SEPTIN14: variants seen among roughly 807,000 people sequenced by gnomAD.
The protein encoded by SEPTIN14 is septin 14, also known as septin-14.
A neutral mutation model predicts 53.6 loss-of-function variants in SEPTIN14; 40 were observed. The observed-to-expected ratio is 0.75, with a 90% CI of 0.58 to 0.97. SEPTIN14 has a LOEUF of 0.97. Among genes scored for constraint, SEPTIN14 ranks in the 50% least tolerant of loss-of-function variants. The pLI, the probability that SEPTIN14 is intolerant of heterozygous loss-of-function variation, is 0.00. For missense variants in SEPTIN14, 471 were observed against 508.2 expected (o/e 0.93, Z 0.70); for synonymous variants, 138 against 166.8 (o/e 0.83, Z 1.33).
At chr7:55,824,066 G>T (rs778559499) in intron 6 of SEPTIN14, among the ~76,000 whole-genome samples, 1 of 152,082 alleles carries the variant, frequency 6.6e-6, no homozygotes, top group Non-Finnish European at 1.5e-5. Flanking sequence ...GGAAATGCAG[G>T]TGACTTTGAA....
chr7:55,829,782 C>G (rs1789061336), intron 6 of SEPTIN14, among the ~76,000 whole-genome samples: 1 of 119,802 alleles, frequency 8.3e-6, no homozygotes, highest in South Asian at 2.9e-4. Context: ...GATAGCGCCA[C>G]TGTGCTCCAG....
intron 8 of SEPTIN14, among the ~76,000 whole-genome samples, chr7:55,806,597 G>A (rs1788614695): frequency 6.6e-6 from 1 of 151,654 alleles, no homozygotes; most frequent in Admixed American, 6.6e-5. Flanking sequence ...CCAAGTGGCT[G>A]GGATACAGGC....
chr7:55,841,850 C>A (rs944514109), intron 5 of SEPTIN14, among the ~76,000 whole-genome samples: 2 of 133,646 alleles, frequency 1.5e-5, no homozygotes, highest in African/African-American at 2.8e-5. Context: ...AATGAAACTC[C>A]GCCAAAAAAA....
At chr7:55,801,718 G>A (rs1260491930) in intron 9 of SEPTIN14, among the ~76,000 whole-genome samples, 3 of 151,752 alleles carry the variant, frequency 2.0e-5, no homozygotes, top group South Asian at 2.1e-4. Context: ...TCAGGAGTTC[G>A]AGACCAGCCT....
Position 55,844,537 on chromosome 7 carries a change from T to A in SEPTIN14, c.357A>T (p.Ile119=). The A allele has an allele frequency of 6.7e-7, 1 of 1,491,184 alleles. No homozygotes were observed. Among genetic ancestry groups the A allele is most frequent in the Non-Finnish European group, 9.0e-7 (1 of 1,108,552 alleles). 92.4% of individuals were successfully genotyped at this position (1,491,184 alleles called of 1,614,324 possible). ...VVETVGYGDQ[I]DKEASYQPIV... is the part of the protein sequence containing the mutation. ...AAAACACTCACCTGGCTTCTTTGTC[T>A]ATTTGATCACCATACCCTACTGTCT... is the stretch of plus-strand genomic sequence containing the variant. Residue 119 remains isoleucine, a synonymous_variant, in exon 4 of 10, where the codon ATA becomes ATT. Coordinates refer to ENST00000388975, the MANE Select transcript of SEPTIN14 (RefSeq NM_207366.3).
intron 9 of SEPTIN14, among the ~76,000 whole-genome samples, chr7:55,802,267 A>G (rs543561360): frequency 6.6e-6 from 1 of 152,256 alleles, no homozygotes; most frequent in South Asian, 2.1e-4. Flanking sequence ...GGCCTCCCAG[A>G]GTGCTGGGAT....
At chr7:55,835,072 C>G (rs1267817565) in intron 5 of SEPTIN14, among the ~76,000 whole-genome samples, 2 of 152,158 alleles carry the variant, frequency 1.3e-5, no homozygotes, top group Non-Finnish European at 2.9e-5. Flanking sequence ...GAAGATTGAT[C>G]TTTTATCCAA....
chr7:55,855,832 G>A (rs368790724), intron 2 of SEPTIN14, among the ~76,000 whole-genome samples: 2 of 152,070 alleles, frequency 1.3e-5, no homozygotes, highest in African/African-American at 2.4e-5. Context: ...GATTACAGGC[G>A]TGAACTACCA....
chr7:55,825,843 C>T (rs911579098), intron 6 of SEPTIN14, among the ~76,000 whole-genome samples: 1 of 152,058 alleles, frequency 6.6e-6, no homozygotes, highest in African/African-American at 2.4e-5. Context: ...TGGCTCACTC[C>T]TGTAATCCCA....
chr7:55,837,449 C>T (rs1011061640), intron 5 of SEPTIN14, among the ~76,000 whole-genome samples: 13 of 151,926 alleles, frequency 8.6e-5, no homozygotes, highest in Admixed American at 4.6e-4. Flanking sequence ...TGATTTTAGA[C>T]TTATGGAAGA....
At chr7:55,825,449 C>T (rs565018852) in intron 6 of SEPTIN14, among the ~76,000 whole-genome samples, 185 of 152,152 alleles carry the variant, frequency 1.2e-3, no homozygotes, top group African/African-American at 4.4e-3. Context: ...TTGTTGAAAC[C>T]CATACAATGT....
chr7:55,832,621 C>T (rs1337344408), intron 6 of SEPTIN14, among the ~76,000 whole-genome samples: 5 of 152,052 alleles, frequency 3.3e-5, no homozygotes, highest in African/African-American at 1.2e-4. Flanking sequence ...AGCTGGGGGC[C>T]ATTATCCTAA....
chr7:55,834,693 A>T lies in SEPTIN14; in HGVS notation c.559-107T>A, dbSNP rs185149989. On this transcript the variant is annotated intron_variant, in intron 5 of 9. Transcript: ENST00000388975. ...AGTCTCGCTTTGTCGCCCAGGCTGG[A>T]GTGCAGGGGCACGATCTCGGCTCAC... 625 of 812,850 alleles carry T rather than the reference A, an allele frequency of 7.7e-4. 3 individuals carry two copies. The African/African-American group carries it at 9.3e-3, about 12-fold the overall frequency. 50.4% of individuals were successfully genotyped at this position (812,850 alleles called of 1,614,324 possible).
Position 55,807,127 on chromosome 7 carries a change from C to A in SEPTIN14, c.949G>T (p.Gly317Cys). The A allele has an allele frequency of 6.2e-7, 1 of 1,603,098 alleles. No individual in the cohort carries two copies. The change falls in exon 8 of 10, where the codon GGC becomes TGC. Residue 317 changes from glycine to cysteine, a missense_variant. Physicochemically the swap from Gly to Cys is radical, Grantham distance 159 (BLOSUM62 -3). Transcript: ENST00000388975. ...TTGTTTGGACCCACATCTGTAAAGC[C>A]CATTTTCTGCAGTTTTTGGTACCTA... is the stretch of plus-strand genomic sequence containing the variant. ...CYRYQKLQKM[G>C]FTDVGPNNQP...
chr7:55,834,211 A>T (rs1324514162), intron 6 of SEPTIN14, among the ~76,000 whole-genome samples: 1 of 152,244 alleles, frequency 6.6e-6, no homozygotes, highest in African/African-American at 2.4e-5. Context: ...CATCCCCTTG[A>T]TATCAAAGCA....
intron 5 of SEPTIN14, among the ~76,000 whole-genome samples, chr7:55,835,231 G>C (rs4948079): frequency 0.77 from 117,535 of 151,784 alleles, 46,514 homozygotes; most frequent in East Asian, 0.96. Context: ...GACAGAGTCT[G>C]GCTCTGTTGC....
chr7:55,808,809 C>T (rs1788649139), intron 7 of SEPTIN14, among the ~76,000 whole-genome samples: 2 of 152,154 alleles, frequency 1.3e-5, no homozygotes. Context: ...TCCTCAGCCT[C>T]CCAAAGTGCT....
intron 3 of SEPTIN14, among the ~76,000 whole-genome samples, chr7:55,845,366 T>C (rs1254659006): frequency 6.6e-6 from 1 of 152,050 alleles, no homozygotes; most frequent in Non-Finnish European, 1.5e-5. Flanking sequence ...CATGGAATAC[T>C]ACACAGCCAT....
intron 2 of SEPTIN14, among the ~76,000 whole-genome samples, chr7:55,847,685 A>G (rs997166895): frequency 3.9e-5 from 6 of 152,216 alleles, no homozygotes; most frequent in Admixed American, 1.3e-4. Flanking sequence ...GATCCTCTAC[A>G]TATGTGAGGA....
Sources: gnomAD v4.1 joint callset for allele counts (sites outside exome capture counted in the v4.1 genomes callset) on GRCh38, gnomAD v4.1.1 for gene constraint, MANE v1.5 for transcripts, NCBI Gene and HGNC (gene_info 2026-07-23, HGNC 2026-07-21) for gene names.